The following STRBP variants were observed in gnomAD, a reference collection of about 807,000 sequenced individuals.
STRBP encodes the protein spermatid perinuclear RNA-binding protein.
In STRBP, 13 loss-of-function variants were observed where a neutral mutation model predicts 80.1. That is an observed-to-expected ratio of 0.16 (90% CI 0.11 to 0.26). STRBP has a LOEUF of 0.26. Among genes scored for constraint, STRBP ranks in the 10% least tolerant of loss-of-function variants. The pLI is 1.00. For synonymous variants in STRBP, 284 were observed against 291.2 expected (o/e 0.98, Z 0.25); for missense variants, 485 against 815.2 (o/e 0.59, Z 4.93).
At chr9:123,207,423 C>T (rs954580062) in intron 2 of STRBP, among the ~76,000 whole-genome samples, 1 of 151,882 alleles carries the variant, frequency 6.6e-6, no homozygotes, top group African/African-American at 2.4e-5. Context: ...AAAGTGATGC[C>T]CTGAATATAA....
At chr9:123,244,355 T>A (rs2040757889) in intron 1 of STRBP, among the ~76,000 whole-genome samples, 1 of 152,180 alleles carries the variant, frequency 6.6e-6, no homozygotes, top group Non-Finnish European at 1.5e-5. Context: ...GTAAAACTAT[T>A]CTGTATGATA....
chr9:123,257,927 A>G (rs765458477), intron 1 of STRBP, among the ~76,000 whole-genome samples: 6 of 151,954 alleles, frequency 3.9e-5, no homozygotes, highest in Non-Finnish European at 7.4e-5. Flanking sequence ...TATTATATCT[A>G]TATCTTTGTA....
chr9:123,111,927 C>T (rs2035573909), intron 3 of STRBP: 1 of 210,928 alleles, frequency 4.7e-6, no homozygotes, highest in African/African-American at 2.4e-5. Context: ...AGGGGCAACT[C>T]TTCCTTCTGT....
chr9:123,111,408 T>C (rs2035564201), intron 3 of STRBP: 3 of 311,060 alleles, frequency 9.6e-6, no homozygotes, highest in Non-Finnish European at 2.0e-5. Flanking sequence ...TCCATTTCCA[T>C]GAACAAGGAA....
At chr9:123,260,448 A>G (rs140856989) in intron 1 of STRBP, among the ~76,000 whole-genome samples, 1 of 152,352 alleles carries the variant, frequency 6.6e-6, no homozygotes, top group Admixed American at 6.5e-5. Flanking sequence ...TAAGCACAAA[A>G]TAACTTCATG....
At chr9:123,112,720 C>G (rs980144692) in intron 3 of STRBP, 24 of 167,372 alleles carry the variant, frequency 1.4e-4, no homozygotes, top group African/African-American at 5.8e-4. Context: ...TTCCACCTCC[C>G]TTAGTAGCTG....
chr9:123,254,809 A>G (rs2040993668), intron 1 of STRBP, among the ~76,000 whole-genome samples: 1 of 152,186 alleles, frequency 6.6e-6, no homozygotes, highest in Non-Finnish European at 1.5e-5. Context: ...ATGGAAAACA[A>G]AAGGCTCTAT....
At chr9:123,230,170 G>A (rs1359970645) in intron 2 of STRBP, among the ~76,000 whole-genome samples, 1 of 152,120 alleles carries the variant, frequency 6.6e-6, no homozygotes, top group African/African-American at 2.4e-5. Context: ...AACAGATCTG[G>A]GGTCCATGGT....
intron 5 of STRBP, among the ~76,000 whole-genome samples, chr9:123,173,352 T>G (rs933705041): frequency 2.0e-5 from 3 of 152,298 alleles, no homozygotes; most frequent in Non-Finnish European, 2.9e-5. Context: ...TTCCAATTCT[T>G]TTCTGCAGTA....
intron 2 of STRBP, among the ~76,000 whole-genome samples, chr9:123,215,221 T>G (rs2039856160): frequency 6.6e-6 from 1 of 152,056 alleles, no homozygotes; most frequent in African/African-American, 2.4e-5. Context: ...CATGCACCAC[T>G]GGCTAACTGT....
intron 7 of STRBP, 45 bp downstream of exon 7, chr9:123,160,932 C>T (rs2037497077): frequency 6.7e-7 from 1 of 1,500,736 alleles, no homozygotes; most frequent in Non-Finnish European, 9.0e-7. Context: ...CCAAATGAAA[C>T]TTGGACAAAC....
At chr9:123,165,279 CAAAAAA>C (rs568070749) in intron 6 of STRBP, among the ~76,000 whole-genome samples, 1 of 50,962 alleles carries the variant, frequency 2.0e-5, no homozygotes. Context: ...GACTCCATCT[CAAAAAA>C]AAAAAAAAAA....
chr9:123,163,012 TTGAC>T (rs561932365), intron 6 of STRBP, among the ~76,000 whole-genome samples: 98 of 152,342 alleles, frequency 6.4e-4, no homozygotes, highest in African/African-American at 2.3e-3. Context: ...GTAACAAAGG[TTGAC>T]TAACTACTAA....
intron 1 of STRBP, among the ~76,000 whole-genome samples, chr9:123,253,422 G>C (rs1350845055): frequency 6.6e-6 from 1 of 152,162 alleles, no homozygotes; most frequent in African/African-American, 2.4e-5. Context: ...GTACTGCTAA[G>C]AGAGTACTGA....
At chr9:123,120,551 ACT>A (rs1450724464), downstream of STRBP, among the ~76,000 whole-genome samples, 2 of 150,882 alleles carry the variant, frequency 1.3e-5, no homozygotes, top group African/African-American at 2.4e-5. Flanking sequence ...TTCCTCTCTA[ACT>A]CACTGCTGAA....
At chr9:123,166,619 T>A (rs1468864235) in intron 6 of STRBP, among the ~76,000 whole-genome samples, 4 of 152,050 alleles carry the variant, frequency 2.6e-5, no homozygotes, top group Non-Finnish European at 5.9e-5. Flanking sequence ...CCGGTCATGG[T>A]GGCATGCACC....
At chr9:123,234,089 T>C (rs1197035682) in intron 2 of STRBP, among the ~76,000 whole-genome samples, 1 of 150,786 alleles carries the variant, frequency 6.6e-6, no homozygotes, top group African/African-American at 2.4e-5. Flanking sequence ...TAGTCCCAGC[T>C]ACTCAGGAGG....
intron 3 of STRBP, chr9:123,111,233 G>A (rs2035561178): frequency 5.7e-6 from 1 of 176,350 alleles, no homozygotes. Flanking sequence ...TCTGGATCGA[G>A]TGTCTTGCCA....
At chr9:123,118,080 T>C (rs914651452), downstream of STRBP, among the ~76,000 whole-genome samples, 3 of 152,194 alleles carry the variant, frequency 2.0e-5, no homozygotes, top group African/African-American at 7.2e-5. Flanking sequence ...TTTTAATCCA[T>C]AGCAGGATGG....
Sources: gnomAD v4.1 joint callset for allele counts (sites outside exome capture counted in the v4.1 genomes callset) on GRCh38, gnomAD v4.1.1 for gene constraint, MANE v1.5 for transcripts, NCBI Gene and HGNC (gene_info 2026-07-23, HGNC 2026-07-21) for gene names.